SLC24A2: variants seen among roughly 807,000 people sequenced by gnomAD.
The protein encoded by SLC24A2 is solute carrier family 24 member 2.
Under a neutral mutation model 62.0 loss-of-function variants are expected in SLC24A2, and 36 were observed. The observed-to-expected ratio is 0.58, with a 90% CI of 0.44 to 0.77. The LOEUF (loss-of-function observed/expected upper bound fraction) is 0.77, where lower values mean the gene tolerates loss of function less well. SLC24A2 is among the 30% of genes least tolerant of loss of function. SLC24A2 has a pLI of 0.00. For synonymous variants in SLC24A2, 358 were observed against 294.0 expected, an observed-to-expected ratio of 1.22 and a Z score of -2.23; for missense variants, 846 against 817.9, an observed-to-expected ratio of 1.03 and a Z score of -0.42.
At chr9:19,698,504 G>T (rs1324969692) in intron 2 of SLC24A2, among the ~76,000 whole-genome samples, 1 of 152,066 alleles carries the variant, frequency 6.6e-6, no homozygotes, top group African/African-American at 2.4e-5. Flanking sequence ...AAAATAAAAT[G>T]GTAACCAAGA....
the SLC24A2 span, among the ~76,000 whole-genome samples, chr9:20,053,167 C>A: frequency 6.6e-6 from 1 of 152,120 alleles, no homozygotes; most frequent in Non-Finnish European, 1.5e-5. Flanking sequence ...ACTTCACTTT[C>A]CTCTGCTTGC....
At chr9:19,600,260 C>T (rs1231452722) in intron 4 of SLC24A2, among the ~76,000 whole-genome samples, 1 of 152,224 alleles carries the variant, frequency 6.6e-6, no homozygotes, top group Non-Finnish European at 1.5e-5. Flanking sequence ...TGCTTTCATG[C>T]CACCGTGGTG....
the SLC24A2 span, among the ~76,000 whole-genome samples, chr9:19,850,946 C>CATATATATATATATATATATACAT: frequency 4.0e-5 from 1 of 24,720 alleles, no homozygotes; most frequent in African/African-American, 1.1e-4. Context: ...TATATATATA[C>CATATATATATATATATATATACAT]ATATATATAT....
At chr9:19,924,372 G>C in the SLC24A2 span, among the ~76,000 whole-genome samples, 1 of 152,072 alleles carries the variant, frequency 6.6e-6, no homozygotes, top group Non-Finnish European at 1.5e-5. Context: ...GCTGCTTTTG[G>C]GGGAGTCCAC....
the SLC24A2 span, among the ~76,000 whole-genome samples, chr9:20,031,802 C>G: frequency 0.18 from 27,900 of 152,088 alleles, 2,865 homozygotes; most frequent in Middle Eastern, 0.32. Flanking sequence ...TAGGACTCAG[C>G]TACAAGTCAC....
At chr9:19,723,440 C>G (rs1039912219) in intron 2 of SLC24A2, among the ~76,000 whole-genome samples, 1 of 152,128 alleles carries the variant, frequency 6.6e-6, no homozygotes, top group Non-Finnish European at 1.5e-5. Flanking sequence ...TGTTTGTATT[C>G]CAACCATTCT....
At chr9:19,589,828 A>G (rs760836684) in intron 5 of SLC24A2, among the ~76,000 whole-genome samples, 2 of 152,232 alleles carry the variant, frequency 1.3e-5, no homozygotes, top group Non-Finnish European at 2.9e-5. Flanking sequence ...ATCAATGTCT[A>G]TCATTACACT....
At chr9:20,112,450 G>T in the SLC24A2 span, among the ~76,000 whole-genome samples, 189 of 152,260 alleles carry the variant, frequency 1.2e-3, 1 homozygote, top group African/African-American at 4.2e-3. Context: ...TGGGAATGCA[G>T]TTTAAGTTAT....
the SLC24A2 span, among the ~76,000 whole-genome samples, chr9:19,959,068 C>G: frequency 7.0e-3 from 1,060 of 152,256 alleles, 19 homozygotes; most frequent in African/African-American, 0.024. Context: ...AAGATCCACA[C>G]TTTGCTTTTC....
chr9:20,029,893 A>G, the SLC24A2 span, among the ~76,000 whole-genome samples: 1 of 152,074 alleles, frequency 6.6e-6, no homozygotes, highest in African/African-American at 2.4e-5. Flanking sequence ...ACAAGCAGTT[A>G]TATTATGGTG....
the SLC24A2 span, among the ~76,000 whole-genome samples, chr9:20,074,045 T>C: frequency 6.6e-6 from 1 of 151,718 alleles, no homozygotes. Context: ...CCCAGAATTA[T>C]GAAAAAAGCA....
chr9:19,761,728 G>A (rs1456979853), intron 2 of SLC24A2, among the ~76,000 whole-genome samples: 9 of 151,926 alleles, frequency 5.9e-5, no homozygotes, highest in Admixed American at 3.9e-4. Context: ...GAAAACATGC[G>A]GTGTTTGGTT....
At position 19,782,158 on chromosome 9, in the gene SLC24A2, G is replaced by A. The variant is rs10964285; in HGVS notation, c.930+3779C>T. Among the ~76,000 whole-genome samples, 543 of 152,300 alleles carry A rather than the reference G, an allele frequency of 3.6e-3. 11 individuals carry two copies. The highest frequency in any genetic ancestry group is 0.035 in the South Asian group (170 of 4,832). ...AGTCTAAGACGAAGTTAAATACCAT[G>A]GACAGCTGCTTTCTAGGCCAATGAC... On this transcript the variant is annotated intron_variant, in intron 2 of 10. Coordinates refer to ENST00000341998, the MANE Select transcript of SLC24A2 (RefSeq NM_020344.4).
chr9:19,892,586 G>A, the SLC24A2 span, among the ~76,000 whole-genome samples: 134 of 152,238 alleles, frequency 8.8e-4, no homozygotes, highest in African/African-American at 3.2e-3. Flanking sequence ...AACTTTTACT[G>A]TTAAGAGTGA....
the SLC24A2 span, among the ~76,000 whole-genome samples, chr9:20,034,951 C>G: frequency 2.0e-5 from 3 of 152,034 alleles, no homozygotes; most frequent in Non-Finnish European, 4.4e-5. Flanking sequence ...AGGAATGTCA[C>G]AAATGGTAAA....
At chr9:19,675,712 C>A (rs1386903419) in intron 2 of SLC24A2, among the ~76,000 whole-genome samples, 1 of 152,112 alleles carries the variant, frequency 6.6e-6, no homozygotes, top group Non-Finnish European at 1.5e-5. Context: ...CGTGCCCCCA[C>A]AAAAGCACCA....
chr9:20,069,986 T>G, the SLC24A2 span, among the ~76,000 whole-genome samples: 1 of 152,220 alleles, frequency 6.6e-6, no homozygotes, highest in East Asian at 1.9e-4. Context: ...AACATGACCT[T>G]ATTATGCCAC....
chr9:19,679,873 T>C (rs976611067), intron 2 of SLC24A2, among the ~76,000 whole-genome samples: 4 of 151,224 alleles, frequency 2.6e-5, no homozygotes, highest in Admixed American at 6.6e-5. Context: ...TGTGTGTGTG[T>C]GTGTGTGTGT....
chr9:19,598,186 G>T (rs1191829200), intron 4 of SLC24A2, among the ~76,000 whole-genome samples: 1 of 152,162 alleles, frequency 6.6e-6, no homozygotes, highest in African/African-American at 2.4e-5. Flanking sequence ...AAGCAATTTT[G>T]TGAGCAGGTT....
Sources: gnomAD v4.1 joint callset for allele counts (sites outside exome capture counted in the v4.1 genomes callset) on GRCh38, gnomAD v4.1.1 for gene constraint, MANE v1.5 for transcripts, NCBI Gene and HGNC (gene_info 2026-07-23, HGNC 2026-07-21) for gene names.